Variants in NECAP1 observed in about 807,000 individuals in gnomAD.
The protein encoded by NECAP1 is adaptin ear-binding coat-associated protein 1.
Under a neutral mutation model 33.4 loss-of-function variants are expected in NECAP1, and 13 were observed. The ratio of observed to expected loss-of-function variants is 0.39; its 90% CI spans 0.25 to 0.62. NECAP1 has a LOEUF of 0.62. NECAP1 is among the 20% of genes least tolerant of loss of function. The pLI is 0.52. For synonymous variants in NECAP1, 109 were observed against 125.2 expected, an observed-to-expected ratio of 0.87 and a Z score of 0.86; for missense variants, 272 against 347.4, an observed-to-expected ratio of 0.78 and a Z score of 1.73.
rs1947565573 is a variant in NECAP1 at position 8,093,205 on chromosome 12, T to G, written c.676+150T>G. The G allele has an allele frequency of 9.6e-6, 7 of 727,498 alleles. No homozygotes were observed. In the South Asian group the frequency reaches 1.1e-4, roughly 12 times the overall value. 45.1% of individuals were successfully genotyped at this position (727,498 alleles called of 1,614,324 possible). ...TCAGCTTCTAGCAAGGAATCAAAGC[T>G]TTTCTAGTGAACTAAGAGTCATAGT... On this transcript the variant is annotated intron_variant, in intron 6 of 7. Transcript: ENST00000339754.
intron 3 of NECAP1, chr12:8,091,383 A>C (rs1947542581): frequency 9.3e-6 from 2 of 214,490 alleles, no homozygotes; most frequent in Admixed American, 1.0e-4. Flanking sequence ...AAATAATTAT[A>C]CAACTCACTA....
intron 1 of NECAP1, among the ~76,000 whole-genome samples, chr12:8,085,226 G>A (rs146879399): frequency 0.018 from 2,668 of 152,212 alleles, 103 homozygotes; most frequent in Admixed American, 0.088. Flanking sequence ...CACTGTGTTG[G>A]CCAGGCTGGT....
At chr12:8,090,947 A>T (rs1394887932) in intron 3 of NECAP1, 1 of 152,520 alleles carries the variant, frequency 6.6e-6, no homozygotes, top group Non-Finnish European at 1.5e-5. Context: ...AAACAGACAA[A>T]TAATAAATGT....
chr12:8,084,548 G>A (rs1376419526), intron 1 of NECAP1, among the ~76,000 whole-genome samples: 3 of 151,492 alleles, frequency 2.0e-5, no homozygotes, highest in Non-Finnish European at 2.9e-5. Context: ...TGTCATCCTC[G>A]CCCCTCCCCC....
At chr12:8,088,567 C>T (rs914762935) in intron 1 of NECAP1, among the ~76,000 whole-genome samples, 2 of 152,114 alleles carry the variant, frequency 1.3e-5, no homozygotes, top group African/African-American at 4.8e-5. Context: ...TTAGCTAATC[C>T]CCCTGCTTCA....
intron 1 of NECAP1, 66 bp from the exon 2 acceptor site, chr12:8,089,870 A>G (rs1404601257): frequency 2.3e-5 from 27 of 1,165,336 alleles, no homozygotes; most frequent in Non-Finnish European, 3.4e-5. Flanking sequence ...AATACAGTCA[A>G]AGATTGTGGG....
At chr12:8,084,503 G>A (rs1480787349) in intron 1 of NECAP1, among the ~76,000 whole-genome samples, 3 of 151,944 alleles carry the variant, frequency 2.0e-5, no homozygotes, top group Non-Finnish European at 2.9e-5. Flanking sequence ...ACATAGGTAT[G>A]CATGTGCCAT....
intron 1 of NECAP1, chr12:8,088,866 C>G (rs2120472473): frequency 6.6e-6 from 1 of 152,302 alleles, no homozygotes; most frequent in East Asian, 1.9e-4. Flanking sequence ...TTCCTTATGT[C>G]TAGAATGCTT....
chr12:8,095,499 C>T (rs2231753), intron 6 of NECAP1, 102 bp from the exon 7 acceptor site: 206 of 743,132 alleles, frequency 2.8e-4, no homozygotes, highest in Middle Eastern at 2.6e-3. Context: ...CCACCCGCCT[C>T]GGCCTCCCAA....
intron 3 of NECAP1, 95 bp from the exon 4 acceptor site, chr12:8,091,674 G>A (rs2120481940): frequency 2.9e-6 from 3 of 1,032,422 alleles, no homozygotes; most frequent in Non-Finnish European, 4.5e-6. Context: ...CTGCTGCATG[G>A]CCTGGTTTCT....
intron 1 of NECAP1, among the ~76,000 whole-genome samples, chr12:8,086,557 T>C (rs1228888538): frequency 6.6e-6 from 1 of 151,916 alleles, no homozygotes; most frequent in Non-Finnish European, 1.5e-5. Context: ...GAGGTTGCAA[T>C]GAGCTGAGAT....
chr12:8,091,714 G>A, intron 3 of NECAP1, 55 bp from the exon 4 acceptor site: 5 of 1,536,960 alleles, frequency 3.3e-6, no homozygotes, highest in Non-Finnish European at 3.6e-6. Flanking sequence ...CCGGGGGTTG[G>A]GGGCTCCTGC....
At chr12:8,093,228 A>T in intron 6 of NECAP1, 173 bp downstream of exon 6, 1 of 604,490 alleles carries the variant, frequency 1.7e-6, no homozygotes. Context: ...TAAGAGTCAT[A>T]GTATCTCATA....
In NECAP1 at chr12:8,095,622, C is replaced by T; in HGVS notation, c.698C>T (p.Ser233Phe). ...SDADILLDLDSPAPVTTPAPT... is the reference protein window; with the variant it reads ...SDADILLDLDFPAPVTTPAPT... ...TTAGATATCCTTTTAGATTTGGATTCTCCTGCTCCTGTCACGACACCAGCA... is the reference window on the plus strand; with the variant it reads ...TTAGATATCCTTTTAGATTTGGATTTTCCTGCTCCTGTCACGACACCAGCA... Residue 233 changes from serine (S) to phenylalanine (F), a missense_variant, in exon 7 of 8, where the codon TCT becomes TTT. By Grantham distance (155) the Ser-to-Phe change is radical. Coordinates refer to ENST00000339754, the MANE Select transcript of NECAP1 (RefSeq NM_015509.4). 1 of 1,613,030 alleles carries T rather than the reference C, an allele frequency of 6.2e-7. No homozygotes were observed. Among genetic ancestry groups the T allele is most frequent in the Non-Finnish European group, 8.5e-7 (1 of 1,179,154 alleles).
Position 8,095,539 on chromosome 12 carries a change from C to T in NECAP1, c.677-62C>T, listed in dbSNP as rs772269333. ...CTGGGATTACAGGCGTGAGCCACCG[C>T]GCCCGGCCCTTCCAAGATTTTGATT... On this transcript the variant is annotated intron_variant, in intron 6 of 7. Transcript: ENST00000339754. 6.7e-5 allele frequency: 93 copies of T among 1,384,408 alleles called. No individual in the cohort carries two copies. The African/African-American group carries it at 8.4e-4, about 13-fold the overall frequency. The allele number at this position is 1,384,408 out of a possible 1,614,324, so 85.8% of individuals were successfully genotyped here. A position where few individuals can be genotyped will look rare whatever the true frequency, so the allele number is the denominator to read the frequency against.
rs115492202 is a variant in NECAP1, at chr12:8,093,180, T to G, written c.676+125T>G. 1,098 of 946,848 alleles carry G rather than the reference T, an allele frequency of 1.2e-3. 7 individuals carry two copies. The African/African-American group carries it at 0.016, about 14-fold the overall frequency. 58.7% of individuals were successfully genotyped at this position (946,848 alleles called of 1,614,324 possible). On this transcript the variant is annotated intron_variant, in intron 6 of 7. Coordinates refer to ENST00000339754, the MANE Select transcript of NECAP1 (RefSeq NM_015509.4). The stretch of plus-strand genomic sequence containing the variant: ...TCATGGTACTGACAAGGTGATTCTG[T>G]CAGCTTCTAGCAAGGAATCAAAGCT...
chr12:8,092,763 A>G lies in NECAP1; in HGVS notation c.471A>G (p.Gln157=), dbSNP rs781494720. 19 of 1,613,790 alleles carry G rather than the reference A, an allele frequency of 1.2e-5. No homozygotes were observed. Among genetic ancestry groups the G allele is most frequent in the Non-Finnish European group, 1.7e-6 (2 of 1,179,792 alleles). Reference sequence around the variant, plus strand: ...TGGATCTGGGCTTCAAGGAAGGACAAACCATCAAGTTGTGTATCGGGGTGA... The same window carrying G: ...TGGATCTGGGCTTCAAGGAAGGACAGACCATCAAGTTGTGTATCGGGGTGA... The part of the protein sequence containing the change: ...PKLDLGFKEG[Q]TIKLCIGNIT... Residue 157 remains glutamine (Q), a synonymous_variant, in exon 5 of 8, where the codon CAA becomes CAG. Transcript: ENST00000339754.
chr12:8,088,566 C>T (rs1206621357), intron 1 of NECAP1, among the ~76,000 whole-genome samples: 1 of 152,186 alleles, frequency 6.6e-6, no homozygotes, highest in Admixed American at 6.5e-5. Flanking sequence ...CTTAGCTAAT[C>T]CCCCTGCTTC....
At chr12:8,083,424 T>A (rs1445927066) in intron 1 of NECAP1, among the ~76,000 whole-genome samples, 2 of 59,558 alleles carry the variant, frequency 3.4e-5, no homozygotes, top group Non-Finnish European at 6.7e-5. Context: ...GTTTGTTCTT[T>A]TTTTTTTTTT....
Sources: allele counts gnomAD v4.1 joint callset (sites outside exome capture counted in the v4.1 genomes callset), GRCh38; gene constraint gnomAD v4.1.1; transcripts MANE v1.5; gene names NCBI Gene and HGNC (gene_info 2026-07-23, HGNC 2026-07-21).